MCF2L: variants seen among roughly 807,000 people sequenced by gnomAD.
MCF2L encodes MCF.2 cell line derived transforming sequence like.
In MCF2L, 97 loss-of-function variants were observed where a neutral mutation model predicts 153.4. That is an observed-to-expected ratio of 0.63 (90% CI 0.54 to 0.75). MCF2L has a LOEUF of 0.75. Ranked by LOEUF, MCF2L falls within the 30% of genes least tolerant of loss-of-function variation. MCF2L has a pLI of 0.00. For missense variants in MCF2L, 1,347 were observed against 1,495.2 expected, an observed-to-expected ratio of 0.90 and a Z score of 1.64; for synonymous variants, 659 against 632.2, an observed-to-expected ratio of 1.04 and a Z score of -0.64.
chr13:112,925,953 A>G (rs2081397648), intron 2 of MCF2L, among the ~76,000 whole-genome samples: 1 of 152,248 alleles, frequency 6.6e-6, no homozygotes, highest in African/African-American at 2.4e-5. Flanking sequence ...GCTATTTAAT[A>G]TATGGTTTCT....
chr13:113,029,189 C>A (rs536265284), intron 3 of MCF2L, among the ~76,000 whole-genome samples: 1 of 152,158 alleles, frequency 6.6e-6, no homozygotes, highest in Non-Finnish European at 1.5e-5. Flanking sequence ...AGGGAAGCTG[C>A]GGGCCTGTAA....
intron 1 of MCF2L, among the ~76,000 whole-genome samples, chr13:113,011,778 G>A (rs1282637664): frequency 7.7e-6 from 1 of 129,054 alleles, no homozygotes; most frequent in Admixed American, 7.6e-5. Flanking sequence ...CGGTGTGGAC[G>A]GTGGACACTG....
At chr13:113,080,812 T>C (rs2034059704) in intron 15 of MCF2L, among the ~76,000 whole-genome samples, 1 of 152,208 alleles carries the variant, frequency 6.6e-6, no homozygotes, top group South Asian at 2.1e-4. Flanking sequence ...GGGCGTCTTC[T>C]TGGCAGAAGA....
rs538934628 is a variant in MCF2L at position 113,092,334 on chromosome 13, G to T, written c.2954-2180G>T. Among the ~76,000 whole-genome samples, 94 of 152,324 alleles carry T rather than the reference G, an allele frequency of 6.2e-4. 3 individuals are homozygous for T. In the South Asian group the frequency reaches 0.019, roughly 31 times the overall value. On this transcript the variant is annotated intron_variant, in intron 26 of 29. Transcript: ENST00000535094. ...GAAAGCCAGTGTGGTGTTGAAGCCGGGCCACTGCCCGTGGGTCATTTCCAC... is the reference window on the plus strand; with the variant it reads ...GAAAGCCAGTGTGGTGTTGAAGCCGTGCCACTGCCCGTGGGTCATTTCCAC...
chr13:113,057,885 G>A (rs537045348), intron 4 of MCF2L, among the ~76,000 whole-genome samples: 14 of 142,060 alleles, frequency 9.9e-5, no homozygotes, highest in African/African-American at 3.5e-4. Context: ...TGGATGCTGA[G>A]TGTTTGGGTG....
At chr13:112,994,381 G>A (rs1407073714) in intron 1 of MCF2L, among the ~76,000 whole-genome samples, 2 of 151,682 alleles carry the variant, frequency 1.3e-5, no homozygotes, top group East Asian at 3.9e-4. Context: ...AAGGTGCGTG[G>A]GACGTCAAGC....
intron 1 of MCF2L, among the ~76,000 whole-genome samples, chr13:112,988,907 CATGGAGCTACCA>C (rs2082773038): frequency 3.0e-5 from 2 of 66,726 alleles, no homozygotes; most frequent in Non-Finnish European, 3.0e-5. Context: ...CTGAGCAGGA[CATGGAGCTACCA>C]CGCCCGAGTC....
In MCF2L at chr13:113,078,932, G is replaced by A. The variant is rs116835804; in HGVS notation, c.1808+193G>A. On this transcript the variant is annotated intron_variant, in intron 15 of 29. Transcript: ENST00000535094. ...GAGCGTGTGTCCTGGTCCCCACCGC[G>A]TGAAGCACACACACGCCGCACACAC... is the stretch of plus-strand genomic sequence containing the variant. Among the ~76,000 whole-genome samples the A allele has an allele frequency of 3.0e-3, 458 of 152,346 alleles. 2 individuals carry two copies. The highest frequency in any genetic ancestry group is 0.011 in the African/African-American group (440 of 41,588).
rs2035053188 is a variant in MCF2L, at chr13:113,090,055, T to C, written c.2953+327T>C. ...CGATGCCCTCTGCATAGTTTCTTTC[T>C]CTTCCTTCATAGATGACACGGTCAC... On this transcript the variant is annotated intron_variant, in intron 26 of 29. Transcript: ENST00000535094. The C allele has an allele frequency of 2.5e-6, 4 of 1,571,340 alleles. No individual in the cohort carries two copies. The African/African-American group carries it at 5.4e-5, about 21-fold the overall frequency.
chr13:113,081,159 A>C, intron 15 of MCF2L, 54 bp from the exon 16 acceptor site: 1 of 1,447,730 alleles, frequency 6.9e-7, no homozygotes. Flanking sequence ...GGAGCAGACC[A>C]TTCCTGCTCT....
intron 4 of MCF2L, among the ~76,000 whole-genome samples, chr13:113,056,100 G>A (rs1473428451): frequency 6.6e-6 from 1 of 152,252 alleles, no homozygotes; most frequent in Non-Finnish European, 1.5e-5. Context: ...GGTCCTGTGG[G>A]AAAGGTGTGC....
At chr13:113,000,874 C>T (rs2083338135) in intron 1 of MCF2L, among the ~76,000 whole-genome samples, 1 of 111,588 alleles carries the variant, frequency 9.0e-6, no homozygotes, top group Admixed American at 9.4e-5. Context: ...ACCCAGCACC[C>T]CTCCCAGGCC....
rs994667397 is a variant in MCF2L at position 113,035,463 on chromosome 13, G to T, written c.279-9808G>T. On this transcript the variant is annotated intron_variant, in intron 3 of 29. Transcript: ENST00000535094. This position sits in a 1 kb window ranked among gnomAD's most constrained non-coding sequence, Gnocchi z 4.4. ...ACCCGGCTCTGCAGTCTGTTTTGCC[G>T]TTTTCCGCCTCAAACCCCCTCTGCG... 6.6e-6 allele frequency among the ~76,000 whole-genome samples: 1 copy of T among 152,108 alleles called. No individual in the cohort carries two copies. The highest frequency in any genetic ancestry group is 2.4e-5 in the African/African-American group (1 of 41,400).
At chr13:112,903,699 C>T (rs955327622) in intron 2 of MCF2L, among the ~76,000 whole-genome samples, 1 of 152,196 alleles carries the variant, frequency 6.6e-6, no homozygotes, top group Non-Finnish European at 1.5e-5. Flanking sequence ...CATCACTTCC[C>T]TTGTCAGTGA....
At chr13:112,934,555 A>ATGCTGCTGCAGCTGCTGCTGCTGCTGC (rs2081494944) in intron 2 of MCF2L, among the ~76,000 whole-genome samples, 1 of 147,372 alleles carries the variant, frequency 6.8e-6, no homozygotes, top group African/African-American at 2.5e-5. Flanking sequence ...TTTCCAGGGG[A>ATGCTGCTGCAGCTGCTGCTGCTGCTGC]TGCTGCTGCT....
chr13:112,995,913 C>T (rs1470407083), intron 1 of MCF2L, among the ~76,000 whole-genome samples: 3 of 152,216 alleles, frequency 2.0e-5, no homozygotes, highest in Non-Finnish European at 2.9e-5. Context: ...TGGCGGCCAC[C>T]GGGGAGTGAT....
In MCF2L at chr13:113,086,206, C is replaced by A. The variant is rs765665137; in HGVS notation, c.2330C>A (p.Ala777Asp). ...AGCTCCATCCTGGGCATCCTGAAGG[C>A]CGTGAACGACTCCATGCACCTCATC... Reference protein sequence around the residue: ...ALSSILGILKAVNDSMHLIAI... With the variant: ...ALSSILGILKDVNDSMHLIAI... Residue 777 changes from alanine (A) to aspartate (D), a missense_variant, in exon 21 of 30, where the codon GCC (alanine) becomes GAC (aspartate). By Grantham distance (126) the Ala-to-Asp change is moderately radical. Transcript: ENST00000535094. The A allele has an allele frequency of 6.2e-7, 1 of 1,610,982 alleles. No homozygotes were observed.
rs369357554 is a variant in MCF2L, at chr13:112,937,390, T to G, written c.169+35019T>G. ...TAGTATGGTGGACGTTATCTTCATT[T>G]CAGAAAAAATTTAGAACATTTTCTT... is the stretch of plus-strand genomic sequence containing the variant. On this transcript the variant is annotated intron_variant, in intron 2 of 29. Coordinates refer to the MCF2L transcript ENST00000375608. 1.2e-4 allele frequency among the ~76,000 whole-genome samples: 19 copies of G among 152,356 alleles called. No homozygotes were observed. The East Asian group carries it at 3.3e-3, about 26-fold the overall frequency.
chr13:113,076,969 C>A, intron 12 of MCF2L, 83 bp from the exon 13 acceptor site: 1 of 1,456,110 alleles, frequency 6.9e-7, no homozygotes, highest in Non-Finnish European at 9.4e-7. Flanking sequence ...TTGGGCGTGC[C>A]CCGGCACGTT....
Sources: gnomAD v4.1 joint callset for allele counts (sites outside exome capture counted in the v4.1 genomes callset) on GRCh38, gnomAD v4.1.1 for gene constraint, Gnocchi (gnomAD v3.1) non-coding constraint, MANE v1.5 for transcripts, NCBI Gene and HGNC (gene_info 2026-07-23, HGNC 2026-07-21) for gene names.